The following HS6ST3 variants were observed in gnomAD, a reference collection of about 807,000 sequenced individuals.
The protein encoded by HS6ST3 is heparan sulfate 6-O-sulfotransferase 3.
Under a neutral mutation model 36.7 loss-of-function variants are expected in HS6ST3, and 12 were observed. The ratio of observed to expected loss-of-function variants is 0.33; its 90% CI spans 0.21 to 0.53. The LOEUF is 0.53. Ranked by LOEUF, HS6ST3 falls within the 20% of genes least tolerant of loss-of-function variation. HS6ST3 has a pLI of 0.95. For synonymous variants in HS6ST3, 240 were observed against 257.5 expected, an observed-to-expected ratio of 0.93 and a Z score of 0.65; for missense variants, 584 against 640.9, an observed-to-expected ratio of 0.91 and a Z score of 0.96.
At chr13:96,144,790 CT>C (rs2054048885) in intron 1 of HS6ST3, among the ~76,000 whole-genome samples, 2 of 93,296 alleles carry the variant, frequency 2.1e-5, no homozygotes, top group Non-Finnish European at 4.1e-5. Flanking sequence ...TCCCTCCCCC[CT>C]CCCCCCTCCC....
intron 1 of HS6ST3, among the ~76,000 whole-genome samples, chr13:96,443,516 C>A (rs866986386): frequency 8.7e-6 from 1 of 114,772 alleles, no homozygotes; most frequent in Non-Finnish European, 1.7e-5. Flanking sequence ...GGGGACAGAG[C>A]GAGACTCCGT....
intron 1 of HS6ST3, among the ~76,000 whole-genome samples, chr13:96,150,135 G>A (rs2054078101): frequency 6.6e-6 from 1 of 152,110 alleles, no homozygotes; most frequent in Non-Finnish European, 1.5e-5. Flanking sequence ...GAGTGAGTGA[G>A]GCAGAGAAGA....
At chr13:96,552,239 C>T (rs761783532) in intron 1 of HS6ST3, among the ~76,000 whole-genome samples, 4 of 152,154 alleles carry the variant, frequency 2.6e-5, no homozygotes, top group African/African-American at 9.7e-5. Context: ...CTCTTAAACA[C>T]GTTTTACTTT....
chr13:96,309,339 T>A (rs897477544), intron 1 of HS6ST3, among the ~76,000 whole-genome samples: 2 of 152,128 alleles, frequency 1.3e-5, no homozygotes, highest in African/African-American at 4.8e-5. Flanking sequence ...ATAATCAACA[T>A]CAATGATGAT....
chr13:96,588,728 G>T (rs1753476364), intron 1 of HS6ST3, among the ~76,000 whole-genome samples: 1 of 152,034 alleles, frequency 6.6e-6, no homozygotes, highest in African/African-American at 2.4e-5. Flanking sequence ...GTATCAGGGT[G>T]ATGCTAGCCT....
At chr13:96,334,572 G>A (rs757663985) in intron 1 of HS6ST3, among the ~76,000 whole-genome samples, 4 of 152,198 alleles carry the variant, frequency 2.6e-5, no homozygotes, top group African/African-American at 9.6e-5. Flanking sequence ...ATATGGCTGG[G>A]GAGGCCCCAC....
chr13:96,396,049 C>T (rs927333353), intron 1 of HS6ST3, among the ~76,000 whole-genome samples: 1 of 152,148 alleles, frequency 6.6e-6, no homozygotes, highest in Non-Finnish European at 1.5e-5. Context: ...CACAGTGGCT[C>T]ATGCCTATAA....
intron 1 of HS6ST3, among the ~76,000 whole-genome samples, chr13:96,563,812 G>C (rs2056271274): frequency 6.6e-6 from 1 of 152,112 alleles, no homozygotes; most frequent in African/African-American, 2.4e-5. Flanking sequence ...AGAGAAATGA[G>C]CCCAATCAAC....
rs72641855 is a variant in HS6ST3, at chr13:96,481,899, C to T, written c.708-350591C>T. 5.3e-3 allele frequency among the ~76,000 whole-genome samples: 808 copies of T among 152,296 alleles called. 7 individuals carry two copies. The highest frequency in any genetic ancestry group is 0.02 in the Middle Eastern group (6 of 294). Reference sequence around the variant, plus strand: ...CTTCTCTGGCCAGGCTCTCACCTCTCTCACCTTTGTTTCTTTCTTCCTTTC... The same window carrying T: ...CTTCTCTGGCCAGGCTCTCACCTCTTTCACCTTTGTTTCTTTCTTCCTTTC... On this transcript the variant is annotated intron_variant, in intron 1 of 1. Coordinates refer to ENST00000376705, the MANE Select transcript of HS6ST3 (RefSeq NM_153456.4).
chr13:96,689,248 G>C (rs1391784979), intron 1 of HS6ST3, among the ~76,000 whole-genome samples: 5 of 152,000 alleles, frequency 3.3e-5, no homozygotes, highest in Non-Finnish European at 4.4e-5. Context: ...CTACTCCCAA[G>C]CCTCATTAGG....
chr13:96,593,174 C>CTTCTTTTTT (rs2056389097), intron 1 of HS6ST3, among the ~76,000 whole-genome samples: 1 of 46,602 alleles, frequency 2.1e-5, no homozygotes, highest in Non-Finnish European at 3.5e-5. Context: ...TTCTTTCTTT[C>CTTCTTTTTT]TTTTTTTTTT....
At chr13:96,154,119 G>T (rs369274869) in intron 1 of HS6ST3, among the ~76,000 whole-genome samples, 3 of 151,990 alleles carry the variant, frequency 2.0e-5, no homozygotes, top group African/African-American at 7.2e-5. Flanking sequence ...TCAGTGAAAT[G>T]AGGTGATTAA....
chr13:96,641,178 T>C (rs950977238), intron 1 of HS6ST3, among the ~76,000 whole-genome samples: 1 of 151,920 alleles, frequency 6.6e-6, no homozygotes, highest in Non-Finnish European at 1.5e-5. Flanking sequence ...GTTTGTACCA[T>C]TTATGATTTT....
chr13:96,541,907 T>C (rs1245704129), intron 1 of HS6ST3, among the ~76,000 whole-genome samples: 1 of 152,224 alleles, frequency 6.6e-6, no homozygotes, highest in African/African-American at 2.4e-5. Flanking sequence ...AATTTACCAG[T>C]TGCTTTTCTT....
chr13:96,833,237 C>G lies in HS6ST3; in HGVS notation c.*39C>G. On this transcript the variant is annotated 3_prime_UTR_variant, in exon 2 of 2. Coordinates refer to ENST00000376705, the MANE Select transcript of HS6ST3 (RefSeq NM_153456.4). ...CCTCTCTCAGGAGGGGGAGGGTGAG[C>G]AGGCACATTGACTTTCTGTTGAGGT... 6.9e-7 allele frequency: 1 copy of G among 1,438,958 alleles called. No homozygotes were observed. The highest frequency in any genetic ancestry group is 9.2e-7 in the Non-Finnish European group (1 of 1,090,288). 89.1% of individuals were successfully genotyped at this position (1,438,958 alleles called of 1,614,324 possible).
intron 1 of HS6ST3, among the ~76,000 whole-genome samples, chr13:96,762,375 G>A (rs1010660249): frequency 4.6e-5 from 7 of 152,142 alleles, no homozygotes; most frequent in Non-Finnish European, 1.0e-4. Context: ...AGCTACCTGG[G>A]AGGCTGAGGC....
At chr13:96,217,418 A>G (rs1225904189) in intron 1 of HS6ST3, among the ~76,000 whole-genome samples, 1 of 152,174 alleles carries the variant, frequency 6.6e-6, no homozygotes, top group Non-Finnish European at 1.5e-5. Flanking sequence ...CCTCCTTCAG[A>G]ATGGAAGCCC....
chr13:96,523,986 CT>C (rs1743904863), intron 1 of HS6ST3, among the ~76,000 whole-genome samples: 1 of 152,176 alleles, frequency 6.6e-6, no homozygotes, highest in South Asian at 2.1e-4. Context: ...TTCCCCTAAT[CT>C]TTGTGGTTTT....
intron 1 of HS6ST3, among the ~76,000 whole-genome samples, chr13:96,455,461 C>T (rs2055750469): frequency 6.6e-6 from 1 of 151,962 alleles, no homozygotes; most frequent in Admixed American, 6.6e-5. Flanking sequence ...TTCCTGGGCT[C>T]AAGTGATCTG....
Sources: allele counts gnomAD v4.1 joint callset (sites outside exome capture counted in the v4.1 genomes callset), GRCh38; gene constraint gnomAD v4.1.1; transcripts MANE v1.5; gene names NCBI Gene and HGNC (gene_info 2026-07-23, HGNC 2026-07-21).